The following SNAP23 variants were observed in gnomAD, a reference collection of about 807,000 sequenced individuals.
SNAP23 encodes the protein synaptosomal-associated protein 23.
SNAP23 carries 11 observed loss-of-function variants against 29.0 expected under a neutral mutation model. That is an observed-to-expected ratio of 0.38 (90% CI 0.24 to 0.63). The LOEUF (loss-of-function observed/expected upper bound fraction) is 0.63. Among genes scored for constraint, SNAP23 ranks in the 20% least tolerant of loss-of-function variants. The pLI is 0.58. For synonymous variants in SNAP23, 60 were observed against 82.9 expected (o/e 0.72, Z 1.50); for missense variants, 220 against 253.9 (o/e 0.87, Z 0.91).
Position 42,532,124 on chromosome 15 carries a change from C to G in SNAP23, c.*646C>G, listed in dbSNP as rs1262258900. The stretch of plus-strand genomic sequence containing the variant: ...TTTTTTTTTTGGAGTCAGAGTCTCG[C>G]TCTCTTGTCCAGGCTGGAGTGCAAT... On this transcript the variant is annotated 3_prime_UTR_variant, in exon 8 of 8. Transcript: ENST00000249647. 1 of 151,370 alleles carries G rather than the reference C, an allele frequency of 6.6e-6. No homozygotes were observed. The highest frequency in any genetic ancestry group is 2.4e-5 in the African/African-American group (1 of 41,172). 9.4% of individuals were successfully genotyped at this position (151,370 alleles called of 1,614,324 possible). A position where few individuals can be genotyped will look rare whatever the true frequency, so the allele number is the denominator to read the frequency against.
rs552809891 is a variant in SNAP23 at position 42,496,919 on chromosome 15, G to A, written c.-15+1206G>A. Among the ~76,000 whole-genome samples the A allele has an allele frequency of 3.9e-5, 6 of 152,110 alleles. No individual in the cohort carries two copies. The South Asian group carries it at 1.2e-3, about 32-fold the overall frequency. ...GGGGAAAAAGCCCCTTATAAAACCA[G>A]TATCATGAGAACAGCATGGGGGAAA... is the stretch of plus-strand genomic sequence containing the variant. On this transcript the variant is annotated intron_variant, in intron 1 of 7. Coordinates refer to ENST00000249647, the MANE Select transcript of SNAP23 (RefSeq NM_003825.4).
chr15:42,526,081 C>T (rs2141552635), intron 5 of SNAP23, among the ~76,000 whole-genome samples: 1 of 152,260 alleles, frequency 6.6e-6, no homozygotes, highest in East Asian at 1.9e-4. Flanking sequence ...GGAATTTCAA[C>T]CTTCTCTCTT....
chr15:42,532,570 T>A lies in SNAP23; in HGVS notation c.*1092T>A, dbSNP rs925017421. The A allele has an allele frequency of 9.2e-5, 14 of 152,672 alleles. No homozygotes were observed. Among genetic ancestry groups the A allele is most frequent in the African/African-American group, 3.4e-4 (14 of 41,468 alleles). 9.5% of individuals were successfully genotyped at this position (152,672 alleles called of 1,614,324 possible). A position where few individuals can be genotyped will look rare whatever the true frequency, so the allele number is the denominator to read the frequency against. ...TATTAACATCATACATTGTCATTAG[T>A]CTTTGAAGAAAAAATATGTAAATAT... On this transcript the variant is annotated 3_prime_UTR_variant, in exon 8 of 8. Coordinates refer to ENST00000249647, the MANE Select transcript of SNAP23 (RefSeq NM_003825.4).
At chr15:42,493,411 G>A (rs1027923221), upstream of SNAP23, among the ~76,000 whole-genome samples, 5 of 151,704 alleles carry the variant, frequency 3.3e-5, no homozygotes, top group South Asian at 2.1e-4. Context: ...TAGCAGCACT[G>A]TTGGACACGA....
At chr15:42,512,178 C>T (rs1313986546) in intron 2 of SNAP23, 1 of 207,184 alleles carries the variant, frequency 4.8e-6, no homozygotes, top group Non-Finnish European at 9.6e-6. Context: ...AAATGCTAGA[C>T]TTCTATTTAA....
upstream of SNAP23, among the ~76,000 whole-genome samples, chr15:42,494,111 TA>T (rs2057195544): frequency 1.3e-5 from 2 of 152,150 alleles, no homozygotes; most frequent in Non-Finnish European, 2.9e-5. Context: ...GTCTTAATTC[TA>T]ACAAAAATCA....
upstream of SNAP23, chr15:42,492,717 G>C (rs989406429): frequency 1.4e-5 from 2 of 147,306 alleles, no homozygotes; most frequent in African/African-American, 5.1e-5. Context: ...AAAAAAGAAA[G>C]GAAGCGGCTA....
intron 1 of SNAP23, among the ~76,000 whole-genome samples, chr15:42,510,672 ATC>A (rs1487449805): frequency 1.3e-5 from 2 of 152,170 alleles, no homozygotes; most frequent in Admixed American, 6.5e-5. Flanking sequence ...CAAAGATAAA[ATC>A]TCTGCCTTCC....
At chr15:42,492,552 C>T (rs368347115), upstream of SNAP23, among the ~76,000 whole-genome samples, 122 of 151,808 alleles carry the variant, frequency 8.0e-4, no homozygotes, top group African/African-American at 2.9e-3. Flanking sequence ...GTGGTGCGTG[C>T]CTGTAGTCCC....
intron 5 of SNAP23, among the ~76,000 whole-genome samples, chr15:42,523,806 T>TTTTG (rs144295533): frequency 0.047 from 7,088 of 151,822 alleles, 542 homozygotes; most frequent in African/African-American, 0.16. Flanking sequence ...GTTTTTTGTT[T>TTTTG]TTTGTTTGTT....
Position 42,525,069 on chromosome 15 carries a change from T to TA in SNAP23, c.267-3186dup, listed in dbSNP as rs1461852959. On this transcript the variant is annotated intron_variant, in intron 5 of 7. Coordinates refer to ENST00000249647, the MANE Select transcript of SNAP23 (RefSeq NM_003825.4). Reference sequence around the variant, plus strand: ...AACATGCCAACACAATGCAAAGCTGTAAAAAAATTCAAAGTCAGCTGGGCG... The same window carrying TA: ...AACATGCCAACACAATGCAAAGCTGTAAAAAAAATTCAAAGTCAGCTGGGCG... Among the ~76,000 whole-genome samples the TA allele has an allele frequency of 1.1e-4, 17 of 152,186 alleles. No homozygotes were observed. The South Asian group carries it at 1.5e-3, about 13-fold the overall frequency.
intron 7 of SNAP23, among the ~76,000 whole-genome samples, chr15:42,530,039 G>C (rs192177438): frequency 2.6e-5 from 4 of 152,272 alleles, no homozygotes; most frequent in Non-Finnish European, 5.9e-5. Context: ...GAATATAGTA[G>C]TTTTACTTAA....
rs758998833 is a variant in SNAP23, at chr15:42,528,268, G to C, written c.273G>C (p.Lys91Asn). 1.4e-5 allele frequency: 22 copies of C among 1,613,702 alleles called. No individual in the cohort carries two copies. The Admixed American group carries it at 1.5e-4, about 11-fold the overall frequency. Residue 91 changes from lysine (K) to asparagine (N), a missense_variant, in exon 6 of 8, where the codon AAG becomes AAC. By Grantham distance (94) the Lys-to-Asn change is moderately conservative. Coordinates refer to ENST00000249647, the MANE Select transcript of SNAP23 (RefSeq NM_003825.4). ...GLCVCPCNRT[K>N]NFESGKAYKT... is the part of the protein sequence containing the mutation. ...ACTCCTGACTCTTATATAGAACAAA[G>C]AACTTTGAGTCTGGCAAGGCTTATA...
chr15:42,522,730 A>G (rs1384604121), intron 5 of SNAP23, among the ~76,000 whole-genome samples: 3 of 150,106 alleles, frequency 2.0e-5, no homozygotes, highest in African/African-American at 7.3e-5. Flanking sequence ...AAAAAAAAAA[A>G]AAAAAAGAAA....
rs75170357 is a variant in SNAP23 at position 42,513,430 on chromosome 15, T to A, written c.131T>A (p.Met44Lys). 6.2e-7 allele frequency: 1 copy of A among 1,613,728 alleles called. No individual in the cohort carries two copies. The highest frequency in any genetic ancestry group is 1.1e-5 in the South Asian group (1 of 91,076). Residue 44 changes from methionine (M) to lysine (K), a missense_variant, in exon 4 of 8, where the codon ATG becomes AAG. Transcript: ENST00000249647. ...SQDAGIKTIT[M>K]LDEQKEQLNR... is the part of the protein sequence containing the mutation. ...GATGCAGGAATCAAGACCATCACTA[T>A]GCTGGATGAACAAAAGGGTAAGTTA...
chr15:42,526,384 C>T (rs764149532), intron 5 of SNAP23, among the ~76,000 whole-genome samples: 3 of 152,060 alleles, frequency 2.0e-5, no homozygotes, highest in Non-Finnish European at 4.4e-5. Flanking sequence ...ATTATGATAA[C>T]TTAAAGTGGT....
chr15:42,523,647 G>T (rs1352019253), intron 5 of SNAP23, among the ~76,000 whole-genome samples: 5 of 152,290 alleles, frequency 3.3e-5, no homozygotes, highest in East Asian at 3.9e-4. Flanking sequence ...TTACAGCCCT[G>T]CTAAACATTA....
intron 1 of SNAP23, among the ~76,000 whole-genome samples, chr15:42,502,952 G>A (rs1202394442): frequency 6.6e-6 from 1 of 152,156 alleles, no homozygotes; most frequent in African/African-American, 2.4e-5. Flanking sequence ...TAAAACTGAA[G>A]TTTAATTTTT....
At chr15:42,513,194 G>C (rs1477538198) in intron 3 of SNAP23, 198 bp downstream of exon 3, 5 of 743,526 alleles carry the variant, frequency 6.7e-6, no homozygotes, top group South Asian at 1.5e-5. Context: ...TGACAGGGAA[G>C]ATGAATTCAC....
Sources: gnomAD v4.1 joint callset for allele counts (sites outside exome capture counted in the v4.1 genomes callset) on GRCh38, gnomAD v4.1.1 for gene constraint, MANE v1.5 for transcripts, NCBI Gene and HGNC (gene_info 2026-07-23, HGNC 2026-07-21) for gene names.